The following CLCN5 variants were observed in gnomAD, a reference collection of about 807,000 sequenced individuals.
CLCN5 encodes the protein H(+)/Cl(-) exchange transporter 5.
Under a neutral mutation model 54.0 loss-of-function variants are expected in CLCN5, and 17 were observed. The ratio of observed to expected loss-of-function variants is 0.31; its 90% CI spans 0.22 to 0.47. The LOEUF (loss-of-function observed/expected upper bound fraction) is 0.47, where lower values mean the gene tolerates loss of function less well. Among genes scored for constraint, CLCN5 ranks in the 20% least tolerant of loss-of-function variants. CLCN5 has a pLI of 1.00. For missense variants in CLCN5, 448 were observed against 646.7 expected (o/e 0.69, Z 3.33); for synonymous variants, 222 against 233.0 (o/e 0.95, Z 0.43).
intron 3 of CLCN5, among the ~76,000 whole-genome samples, chrX:49,971,583 A>G (rs1332377895): frequency 4.5e-5 from 5 of 111,305 alleles, no homozygotes; most frequent in African/African-American, 1.6e-4. Context: ...AGGATATTGC[A>G]GCCTCTGCCC....
intron 3 of CLCN5, among the ~76,000 whole-genome samples, chrX:49,932,783 C>T (rs1408167343): frequency 1.8e-5 from 2 of 112,280 alleles, no homozygotes; most frequent in Non-Finnish European, 3.8e-5. Context: ...ATACGTCAGG[C>T]TAAGTGTGAA....
intron 4 of CLCN5, among the ~76,000 whole-genome samples, chrX:50,051,860 T>A (rs904642242): frequency 2.7e-5 from 3 of 111,894 alleles, no homozygotes; most frequent in Admixed American, 1.9e-4. Flanking sequence ...TATATTGACT[T>A]TATATCCTGG....
chrX:49,943,786 T>C (rs1250026555), intron 3 of CLCN5, among the ~76,000 whole-genome samples: 1 of 111,926 alleles, frequency 8.9e-6, no homozygotes, highest in African/African-American at 3.3e-5. Flanking sequence ...ACCAGTACCA[T>C]ACTGTTTTGG....
chrX:50,075,815 G>A lies in CLCN5; in HGVS notation c.436G>A (p.Asp146Asn). The A allele has an allele frequency of 8.3e-7, 1 of 1,211,566 alleles. No homozygotes were observed. Among genetic ancestry groups the A allele is most frequent in the Non-Finnish European group, 1.1e-6 (1 of 895,306 alleles). The change falls in exon 7 of 15, where the codon GAC (aspartate) becomes AAC (asparagine). Residue 146 changes from aspartate to asparagine, a missense_variant. By Grantham distance (23) the Asp-to-Asn change is conservative (BLOSUM62 1). Coordinates refer to ENST00000376091, the MANE Select transcript of CLCN5 (RefSeq NM_001127898.4). ...LLSGSLAGLI[D>N]ISAHWMTDLK... ...ATCAGGTTCGTTAGCTGGTTTGATA[G>A]ACATCTCTGCTCATTGGATGACAGA...
At chrX:49,962,839 C>G (rs782478132) in intron 3 of CLCN5, among the ~76,000 whole-genome samples, 25 of 111,950 alleles carry the variant, frequency 2.2e-4, no homozygotes, top group African/African-American at 8.1e-4. Flanking sequence ...TTGGCTCAGT[C>G]CAGGTATAGT....
intron 4 of CLCN5, among the ~76,000 whole-genome samples, chrX:50,060,815 C>A (rs1278282434): frequency 9.9e-6 from 1 of 101,323 alleles, no homozygotes; most frequent in East Asian, 2.9e-4. Flanking sequence ...GATCTGAGAA[C>A]GGGCAGACTG....
At chrX:50,078,292 C>T (rs1402977067) in intron 7 of CLCN5, among the ~76,000 whole-genome samples, 1 of 111,068 alleles carries the variant, frequency 9.0e-6, no homozygotes, top group African/African-American at 3.3e-5. Context: ...AATGATAGTG[C>T]CACTGCACTC....
intron 3 of CLCN5, among the ~76,000 whole-genome samples, chrX:49,993,630 T>C (rs1293844129): frequency 8.9e-6 from 1 of 112,856 alleles, no homozygotes; most frequent in Non-Finnish European, 1.9e-5. Context: ...GCCTGAATCC[T>C]GGTTCTGTTG....
At chrX:50,045,561 G>A (rs1206795934) in intron 4 of CLCN5, among the ~76,000 whole-genome samples, 1 of 112,371 alleles carries the variant, frequency 8.9e-6, no homozygotes, top group Non-Finnish European at 1.9e-5. Flanking sequence ...GATGATTGGG[G>A]CAAGTGACTA....
intron 3 of CLCN5, among the ~76,000 whole-genome samples, chrX:49,933,550 A>G (rs1306717173): frequency 1.8e-5 from 2 of 112,254 alleles, no homozygotes; most frequent in Non-Finnish European, 3.8e-5. Context: ...TCCGGGGTCA[A>G]GTGTCATGTC....
At chrX:50,045,722 T>C (rs2033382667) in intron 4 of CLCN5, among the ~76,000 whole-genome samples, 2 of 112,460 alleles carry the variant, frequency 1.8e-5, no homozygotes, top group South Asian at 7.4e-4. Context: ...TTACAAGGTC[T>C]AACCATAAAA....
At chrX:49,999,984 C>T (rs1557180122) in intron 3 of CLCN5, among the ~76,000 whole-genome samples, 2 of 110,885 alleles carry the variant, frequency 1.8e-5, no homozygotes, top group African/African-American at 6.6e-5. Context: ...CTATATCTGC[C>T]CTGTCTCTGC....
rs1928862378 is a variant in CLCN5 at position 49,983,870 on chromosome X, C to G, written c.17-58446C>G. On this transcript the variant is annotated intron_variant, in intron 3 of 14. Coordinates refer to ENST00000376091, the MANE Select transcript of CLCN5 (RefSeq NM_001127898.4). ...ACTCATTATTTTTAACTTTGTTTAT[C>G]AAACATCTTGGCCTTTTAGGTTATG... 2.7e-5 allele frequency among the ~76,000 whole-genome samples: 3 copies of G among 109,617 alleles called. No individual in the cohort carries two copies. The Admixed American group carries it at 2.9e-4, about 11-fold the overall frequency.
chrX:49,975,640 C>T (rs374392896), intron 3 of CLCN5, among the ~76,000 whole-genome samples: 8 of 110,955 alleles, frequency 7.2e-5, no homozygotes, highest in Non-Finnish European at 1.5e-4. Flanking sequence ...ACCATGACCC[C>T]CTGTTCCATG....
At chrX:49,936,878 C>T (rs1926018808) in intron 3 of CLCN5, among the ~76,000 whole-genome samples, 1 of 111,765 alleles carries the variant, frequency 8.9e-6, no homozygotes, top group African/African-American at 3.3e-5. Context: ...GCATGAGAGA[C>T]CAGTCATGTT....
intron 3 of CLCN5, among the ~76,000 whole-genome samples, chrX:49,955,796 A>G (rs1313604838): frequency 8.9e-6 from 1 of 111,799 alleles, no homozygotes; most frequent in Non-Finnish European, 1.9e-5. Flanking sequence ...AGAACTTGTT[A>G]ATTAAAACTG....
chrX:50,051,322 A>C (rs782474871), intron 4 of CLCN5, among the ~76,000 whole-genome samples: 1 of 112,013 alleles, frequency 8.9e-6, no homozygotes, highest in African/African-American at 3.2e-5. Context: ...TTAAAGATTA[A>C]TTGACTGTAT....
At chrX:50,013,367 G>A (rs782240047) in intron 3 of CLCN5, 14 of 345,450 alleles carry the variant, frequency 4.1e-5, no homozygotes, top group Admixed American at 2.6e-4. Context: ...CAAGTAGCCC[G>A]TGTTTATTGC....
At chrX:49,992,005 A>G (rs1557179035) in intron 3 of CLCN5, among the ~76,000 whole-genome samples, 1 of 111,650 alleles carries the variant, frequency 9.0e-6, no homozygotes, top group Admixed American at 9.5e-5. Context: ...GTCTGGCAGC[A>G]CAAATTCTGA....
Sources: gnomAD v4.1 joint callset for allele counts (sites outside exome capture counted in the v4.1 genomes callset) on GRCh38, gnomAD v4.1.1 for gene constraint, MANE v1.5 for transcripts, NCBI Gene and HGNC (gene_info 2026-07-23, HGNC 2026-07-21) for gene names.